The following BRINP3 variants were observed in gnomAD, a reference collection of about 807,000 sequenced individuals.
The protein encoded by BRINP3 is BMP/retinoic acid-inducible neural-specific protein 3.
In BRINP3, 19 loss-of-function variants were observed where a neutral mutation model predicts 71.0. The ratio of observed to expected loss-of-function variants is 0.27; its 90% CI spans 0.19 to 0.39. The LOEUF (loss-of-function observed/expected upper bound fraction) is 0.39. BRINP3 is among the 10% of genes least tolerant of loss of function. The pLI is 1.00. For synonymous variants in BRINP3, 380 were observed against 337.7 expected (o/e 1.13, Z -1.37); for missense variants, 959 against 940.8 (o/e 1.02, Z -0.25).
At chr1:190,449,193 T>C (rs1176273508) in intron 2 of BRINP3, among the ~76,000 whole-genome samples, 1 of 152,112 alleles carries the variant, frequency 6.6e-6, no homozygotes, top group Non-Finnish European at 1.5e-5. Context: ...TGATAATTTT[T>C]AGTGTGAATG....
intron 1 of BRINP3, among the ~76,000 whole-genome samples, chr1:190,461,942 G>C (rs1360769917): frequency 3.3e-5 from 5 of 151,930 alleles, no homozygotes; most frequent in African/African-American, 1.2e-4. Flanking sequence ...ATTTTATTTT[G>C]AGACGGAGTT....
intron 7 of BRINP3, among the ~76,000 whole-genome samples, chr1:190,104,917 T>G (rs1451791216): frequency 6.6e-6 from 1 of 152,110 alleles, no homozygotes; most frequent in Non-Finnish European, 1.5e-5. Context: ...CTAAACTATA[T>G]AATTTCAGAA....
At chr1:190,374,000 T>A (rs190481739) in intron 2 of BRINP3, among the ~76,000 whole-genome samples, 1 of 151,616 alleles carries the variant, frequency 6.6e-6, no homozygotes, top group Non-Finnish European at 1.5e-5. Context: ...GTTTGAATCC[T>A]AAAGTGGGTA....
intron 2 of BRINP3, among the ~76,000 whole-genome samples, chr1:190,438,436 T>C (rs939033955): frequency 1.3e-5 from 2 of 151,344 alleles, no homozygotes; most frequent in African/African-American, 4.8e-5. Flanking sequence ...GTCACACAAT[T>C]AACAAAATTT....
intron 7 of BRINP3, among the ~76,000 whole-genome samples, chr1:190,114,701 C>T (rs973071169): frequency 3.3e-5 from 5 of 151,936 alleles, no homozygotes; most frequent in African/African-American, 4.8e-5. Context: ...TACAGTGGCC[C>T]GTAAGACCCT....
chr1:190,235,757 C>T (rs763262462), intron 4 of BRINP3, among the ~76,000 whole-genome samples: 1 of 151,950 alleles, frequency 6.6e-6, no homozygotes, highest in Non-Finnish European at 1.5e-5. Context: ...TCTCTTGGGA[C>T]TACTTGGACT....
chr1:190,133,640 T>C (rs1654728591), intron 7 of BRINP3, among the ~76,000 whole-genome samples: 2 of 152,094 alleles, frequency 1.3e-5, no homozygotes, highest in South Asian at 4.1e-4. Context: ...CTTAAAAACA[T>C]ACTTAATGTA....
At chr1:190,350,722 CAT>C (rs1668323799) in intron 2 of BRINP3, among the ~76,000 whole-genome samples, 4 of 151,724 alleles carry the variant, frequency 2.6e-5, no homozygotes, top group Middle Eastern at 3.4e-3. Flanking sequence ...ACCCAAATGA[CAT>C]AGCAGGCAGG....
intron 3 of BRINP3, among the ~76,000 whole-genome samples, chr1:190,280,371 G>T (rs1476298309): frequency 6.6e-6 from 1 of 151,746 alleles, no homozygotes; most frequent in Non-Finnish European, 1.5e-5. Context: ...ATTTTAAGTG[G>T]CCAGTTCTAG....
chr1:190,404,086 A>G (rs1672110849), intron 2 of BRINP3, among the ~76,000 whole-genome samples: 1 of 152,176 alleles, frequency 6.6e-6, no homozygotes, highest in Non-Finnish European at 1.5e-5. Flanking sequence ...AGCAGGAGGA[A>G]AGTTATAAAT....
intron 3 of BRINP3, 80 bp downstream of exon 3, chr1:190,281,480 G>C: frequency 7.7e-7 from 1 of 1,307,126 alleles, no homozygotes; most frequent in East Asian, 2.3e-5. Context: ...TAGCTATCTT[G>C]ATTAATTAAC....
intron 2 of BRINP3, among the ~76,000 whole-genome samples, chr1:190,344,168 G>C (rs1252167581): frequency 6.6e-5 from 10 of 151,754 alleles, no homozygotes; most frequent in Admixed American, 6.6e-4. Flanking sequence ...AAATAAGGCT[G>C]TTTGTTGAAA....
In BRINP3 at chr1:190,307,267, T is replaced by G. The variant is rs973934858; in HGVS notation, c.237-25517A>C. Among the ~76,000 whole-genome samples, 8 of 122,216 alleles carry G rather than the reference T, an allele frequency of 6.5e-5. No homozygotes were observed. The South Asian group carries it at 8.9e-4, about 14-fold the overall frequency. The allele number at this position is 122,216 out of a possible 152,430, so 80.2% of individuals were successfully genotyped here. A position where few individuals can be genotyped will look rare whatever the true frequency, so the allele number is the denominator to read the frequency against. On this transcript the variant is annotated intron_variant, in intron 2 of 7. Transcript: ENST00000367462. ...CCTCATTTAAAACATTGTTTTTTTT[T>G]TTTTTTTTTTTTTTTTTTTGAGACA... is the stretch of plus-strand genomic sequence containing the variant.
At chr1:190,192,854 C>G (rs973550733) in intron 6 of BRINP3, among the ~76,000 whole-genome samples, 7 of 152,094 alleles carry the variant, frequency 4.6e-5, no homozygotes, top group African/African-American at 1.7e-4. Context: ...TGAATTACAA[C>G]AGCCAAAAGC....
intron 7 of BRINP3, among the ~76,000 whole-genome samples, chr1:190,150,247 G>T (rs1026669293): frequency 6.8e-6 from 1 of 146,788 alleles, no homozygotes; most frequent in Non-Finnish European, 1.5e-5. Context: ...TTAATGAGTT[G>T]GTATATATGT....
At chr1:190,185,841 A>G (rs570734996) in intron 6 of BRINP3, among the ~76,000 whole-genome samples, 1 of 152,274 alleles carries the variant, frequency 6.6e-6, no homozygotes, top group East Asian at 1.9e-4. Context: ...CTTTAAAAGG[A>G]TATTTAAAAG....
At chr1:190,147,821 G>A (rs1656020015) in intron 7 of BRINP3, among the ~76,000 whole-genome samples, 1 of 152,196 alleles carries the variant, frequency 6.6e-6, no homozygotes. Context: ...AAGAAAGATA[G>A]GAATCTGAGA....
chr1:190,306,837 T>C (rs1050326185), intron 2 of BRINP3, among the ~76,000 whole-genome samples: 12 of 152,020 alleles, frequency 7.9e-5, no homozygotes, highest in African/African-American at 2.7e-4. Flanking sequence ...TTCTTATGCA[T>C]AAAATTCATT....
intron 2 of BRINP3, among the ~76,000 whole-genome samples, chr1:190,411,230 A>G (rs539305199): frequency 3.9e-5 from 6 of 152,174 alleles, no homozygotes; most frequent in Non-Finnish European, 8.8e-5. Flanking sequence ...TTGATAGAGG[A>G]CAACGGGATA....
Sources: gnomAD v4.1 joint callset for allele counts (sites outside exome capture counted in the v4.1 genomes callset) on GRCh38, gnomAD v4.1.1 for gene constraint, MANE v1.5 for transcripts, NCBI Gene and HGNC (gene_info 2026-07-23, HGNC 2026-07-21) for gene names.